The following UBR3 variants were observed in gnomAD, a reference collection of about 807,000 sequenced individuals.
UBR3 encodes the protein E3 ubiquitin-protein ligase UBR3.
In UBR3, 85 loss-of-function variants were observed where a neutral mutation model predicts 243.2. The ratio of observed to expected loss-of-function variants is 0.35; its 90% CI spans 0.29 to 0.42. UBR3 has a LOEUF of 0.42. Ranked by LOEUF, UBR3 falls within the 10% of genes least tolerant of loss-of-function variation. The probability of loss-of-function intolerance (pLI) is 1.00; values close to 1 mark genes in which losing one functional copy is unlikely to be tolerated. For missense variants in UBR3, 1,686 were observed against 2,300.8 expected, an observed-to-expected ratio of 0.73 and a Z score of 5.47; for synonymous variants, 748 against 799.8, an observed-to-expected ratio of 0.94 and a Z score of 1.09.
At chr2:169,948,742 A>G (rs2086886113) in intron 22 of UBR3, among the ~76,000 whole-genome samples, 1 of 152,068 alleles carries the variant, frequency 6.6e-6, no homozygotes, top group African/African-American at 2.4e-5. Context: ...AACTCACAAA[A>G]GCTCAACTGA....
intron 5 of UBR3, among the ~76,000 whole-genome samples, chr2:169,879,150 TAA>T (rs1183126764): frequency 1.5e-4 from 22 of 150,960 alleles, no homozygotes; most frequent in Admixed American, 2.0e-4. Flanking sequence ...ACATAATTTA[TAA>T]GAGAAAAATT....
At chr2:170,034,363 A>G (rs1207235111) in intron 31 of UBR3, among the ~76,000 whole-genome samples, 2 of 151,978 alleles carry the variant, frequency 1.3e-5, no homozygotes, top group Non-Finnish European at 2.9e-5. Context: ...ACCCCTGGCA[A>G]CCACTGATCT....
chr2:169,909,398 A>G (rs1339039801), intron 10 of UBR3, among the ~76,000 whole-genome samples: 1 of 152,136 alleles, frequency 6.6e-6, no homozygotes, highest in Non-Finnish European at 1.5e-5. Context: ...AAATAGACCA[A>G]TTAAGAGGCT....
chr2:169,911,138 G>A (rs1381690385), intron 10 of UBR3, among the ~76,000 whole-genome samples: 1 of 152,096 alleles, frequency 6.6e-6, no homozygotes, highest in African/African-American at 2.4e-5. Context: ...TACCCAGATA[G>A]CTCAGTCAGT....
chr2:169,984,981 C>T (rs1238961675), intron 24 of UBR3, among the ~76,000 whole-genome samples: 2 of 151,144 alleles, frequency 1.3e-5, no homozygotes, highest in Admixed American at 1.3e-4. Flanking sequence ...TCAGGGTTTC[C>T]TTGAGGTTTT....
intron 24 of UBR3, among the ~76,000 whole-genome samples, chr2:169,981,758 G>T (rs570190431): frequency 6.6e-6 from 1 of 151,942 alleles, no homozygotes; most frequent in Admixed American, 6.6e-5. Flanking sequence ...AGATGAAACT[G>T]TGGGGGGGAG....
chr2:170,002,613 A>G (rs1045254940), intron 27 of UBR3, among the ~76,000 whole-genome samples: 1 of 152,160 alleles, frequency 6.6e-6, no homozygotes, highest in African/African-American at 2.4e-5. Flanking sequence ...CTGTTCAGGA[A>G]TAACTTTTCT....
At chr2:169,828,436 G>C (rs2081817508) in intron 1 of UBR3, among the ~76,000 whole-genome samples, 1 of 152,278 alleles carries the variant, frequency 6.6e-6, no homozygotes, top group African/African-American at 2.4e-5. Context: ...CTTGGGAAGA[G>C]ACTTAGGTTG....
chr2:169,885,294 T>G (rs1257602382), intron 5 of UBR3, among the ~76,000 whole-genome samples: 1 of 152,160 alleles, frequency 6.6e-6, no homozygotes, highest in Non-Finnish European at 1.5e-5. Context: ...AATTAAAAGA[T>G]ATTTTGGCTG....
chr2:170,008,434 ACATT>A (rs969125738), intron 28 of UBR3, among the ~76,000 whole-genome samples: 46 of 152,266 alleles, frequency 3.0e-4, no homozygotes, highest in African/African-American at 1.1e-3. Context: ...AACTTACGGG[ACATT>A]GATATTATTC....
intron 19 of UBR3, among the ~76,000 whole-genome samples, chr2:169,941,410 A>G (rs1051573545): frequency 2.0e-5 from 3 of 152,220 alleles, no homozygotes; most frequent in Non-Finnish European, 4.4e-5. Context: ...TAAAACAATT[A>G]TAACAATACT....
intron 19 of UBR3, among the ~76,000 whole-genome samples, chr2:169,939,526 C>T (rs1013900291): frequency 5.3e-5 from 8 of 151,894 alleles, no homozygotes; most frequent in Non-Finnish European, 1.0e-4. Context: ...CTCAGTCTCC[C>T]AAAGTGCTGG....
intron 32 of UBR3, among the ~76,000 whole-genome samples, chr2:170,051,104 G>A (rs1303437070): frequency 6.6e-6 from 1 of 151,826 alleles, no homozygotes; most frequent in African/African-American, 2.4e-5. Flanking sequence ...GCAAAAGTCT[G>A]TACATGTTCA....
At chr2:169,928,471 C>T (rs935331185) in intron 17 of UBR3, among the ~76,000 whole-genome samples, 2 of 151,902 alleles carry the variant, frequency 1.3e-5, no homozygotes, top group South Asian at 2.1e-4. Context: ...AAATTTATTT[C>T]GGGGAAAATA....
chr2:170,057,425 T>C (rs1055257617), intron 33 of UBR3, among the ~76,000 whole-genome samples: 4 of 152,160 alleles, frequency 2.6e-5, no homozygotes. Flanking sequence ...GGCCTATTTT[T>C]CCTAAATATT....
chr2:170,013,659 A>G (rs1416898051), intron 29 of UBR3, among the ~76,000 whole-genome samples: 1 of 152,058 alleles, frequency 6.6e-6, no homozygotes, highest in African/African-American at 2.4e-5. Context: ...GATTGAGAAA[A>G]CAGAATTGTT....
At position 169,875,800 on chromosome 2, in the gene UBR3, G is replaced by C; in HGVS notation, c.695G>C (p.Gly232Ala). ...TCTTTTTTTCTTTTAGCAGCTGATG[G>C]ACCATCAGAAAAGGACCTTAACAAA... ...REGYNEPAAD[G>A]PSEKDLNKVL... The change falls in exon 3 of 39, where the codon GGA becomes GCA. Residue 232 changes from glycine (G) to alanine (A), a missense_variant. Physicochemically the swap from Gly to Ala is moderately conservative, Grantham distance 60. Around this residue, in one of 8 missense-constraint regions of UBR3, gnomAD observed 200 missense variants for 231.6 expected, o/e 0.86. Transcript: ENST00000272793. 6.6e-7 allele frequency: 1 copy of C among 1,522,568 alleles called. No homozygotes were observed. The highest frequency in any genetic ancestry group is 8.8e-7 in the Non-Finnish European group (1 of 1,137,900). The allele number at this position is 1,522,568 out of a possible 1,614,324, so 94.3% of individuals were successfully genotyped here. A position where few individuals can be genotyped will look rare whatever the true frequency, so the allele number is the denominator to read the frequency against.
intron 1 of UBR3, among the ~76,000 whole-genome samples, chr2:169,836,274 G>C (rs949156858): frequency 6.7e-6 from 1 of 150,236 alleles, no homozygotes; most frequent in South Asian, 2.1e-4. Context: ...AGTAGAGATG[G>C]GGGTTTCACC....
intron 23 of UBR3, among the ~76,000 whole-genome samples, chr2:169,956,254 A>G (rs2087286812): frequency 1.4e-5 from 1 of 69,078 alleles, no homozygotes; most frequent in African/African-American, 5.2e-5. Context: ...CTGGATAGAT[A>G]TATTTAACTT....
Sources: gnomAD v4.1 joint callset for allele counts (sites outside exome capture counted in the v4.1 genomes callset) on GRCh38, gnomAD v4.1.1 for gene constraint, gnomAD v4.1.1 regional missense constraint, MANE v1.5 for transcripts, NCBI Gene and HGNC (gene_info 2026-07-23, HGNC 2026-07-21) for gene names.